Variants in THSD7B observed in about 807,000 individuals in gnomAD.
THSD7B encodes the protein thrombospondin type-1 domain-containing protein 7B.
A neutral mutation model predicts 213.6 loss-of-function variants in THSD7B; 138 were observed. That is an observed-to-expected ratio of 0.65 (90% CI 0.56 to 0.74). The LOEUF (loss-of-function observed/expected upper bound fraction) is 0.74. THSD7B is among the 30% of genes least tolerant of loss of function. The pLI is 0.00. For missense variants in THSD7B, 1,931 were observed against 1,991.5 expected (o/e 0.97, Z 0.58); for synonymous variants, 742 against 687.0 (o/e 1.08, Z -1.25).
At chr2:136,940,804 G>A (rs1471212461) in intron 2 of THSD7B, among the ~76,000 whole-genome samples, 5 of 147,280 alleles carry the variant, frequency 3.4e-5, no homozygotes, top group African/African-American at 1.3e-4. Context: ...TTTTGTTAAG[G>A]GTAGTTTTTT....
intron 10 of THSD7B, among the ~76,000 whole-genome samples, chr2:137,266,898 T>C (rs1394546044): frequency 1.3e-5 from 2 of 152,194 alleles, no homozygotes; most frequent in African/African-American, 2.4e-5. Context: ...CAGTTCTTTA[T>C]TGTAGCTCAT....
intron 26 of THSD7B, among the ~76,000 whole-genome samples, chr2:137,665,934 G>A (rs139464889): frequency 0.035 from 5,329 of 152,198 alleles, 114 homozygotes; most frequent in Middle Eastern, 0.082. Flanking sequence ...TTTAAGAAGT[G>A]TATGAATTGG....
intron 5 of THSD7B, among the ~76,000 whole-genome samples, chr2:137,124,465 C>T (rs1688598647): frequency 6.6e-6 from 1 of 152,138 alleles, no homozygotes; most frequent in African/African-American, 2.4e-5. Flanking sequence ...ATCAGGTTCT[C>T]TTCATAAGAG....
chr2:137,280,512 T>C (rs1232294904), intron 12 of THSD7B, among the ~76,000 whole-genome samples: 1 of 152,164 alleles, frequency 6.6e-6, no homozygotes, highest in Non-Finnish European at 1.5e-5. Flanking sequence ...ATTTCATTCG[T>C]GTAATAATTT....
intron 21 of THSD7B, among the ~76,000 whole-genome samples, chr2:137,655,104 A>T (rs1286121966): frequency 2.0e-5 from 3 of 152,230 alleles, no homozygotes; most frequent in African/African-American, 7.2e-5. Context: ...ACTGAATTCT[A>T]TAAAAAAGAA....
At chr2:136,853,585 C>G (rs1170721515) in intron 1 of THSD7B, among the ~76,000 whole-genome samples, 1 of 151,868 alleles carries the variant, frequency 6.6e-6, no homozygotes, top group African/African-American at 2.4e-5. Context: ...ACATACTTTA[C>G]CTTTAAAATG....
intron 5 of THSD7B, among the ~76,000 whole-genome samples, chr2:137,143,110 C>T (rs1346301109): frequency 1.3e-5 from 2 of 152,048 alleles, no homozygotes; most frequent in Non-Finnish European, 2.9e-5. Flanking sequence ...AGAAAAAAAA[C>T]AGAGAAGGCA....
intron 7 of THSD7B, among the ~76,000 whole-genome samples, 200 bp from the exon 8 acceptor site, chr2:137,230,844 G>T (rs1163595727): frequency 2.0e-5 from 3 of 152,310 alleles, no homozygotes; most frequent in Admixed American, 1.3e-4. Flanking sequence ...CTCTATGAAA[G>T]ATTACAAATG....
rs542621821 is a variant in THSD7B, at chr2:136,992,162, C to T, written c.140-64258C>T. Among the ~76,000 whole-genome samples, 12 of 152,248 alleles carry T rather than the reference C, an allele frequency of 7.9e-5. 1 individual carries two copies. Among genetic ancestry groups the T allele is most frequent in the Admixed American group, 5.9e-4 (9 of 15,292 alleles). On this transcript the variant is annotated intron_variant, in intron 2 of 27. Transcript: ENST00000409968. ...GCAATAAAGATGCATTTCAGATCAA[C>T]CAAGATAAAAAGCCTGACTAAACTG...
intron 1 of THSD7B, among the ~76,000 whole-genome samples, chr2:136,872,860 C>A (rs1226166264): frequency 2.1e-5 from 3 of 143,904 alleles, no homozygotes; most frequent in Non-Finnish European, 4.5e-5. Context: ...TGGCAGGCAC[C>A]TGTAATCCCA....
intron 15 of THSD7B, among the ~76,000 whole-genome samples, chr2:137,493,902 A>G (rs1573659948): frequency 6.6e-6 from 1 of 152,214 alleles, no homozygotes; most frequent in African/African-American, 2.4e-5. Flanking sequence ...TTAATACCTC[A>G]GTTGAAATCT....
In THSD7B at chr2:137,119,355, C is replaced by T. The variant is rs534944029; in HGVS notation, c.1369+4062C>T. Among the ~76,000 whole-genome samples, 5 of 152,310 alleles carry T rather than the reference C, an allele frequency of 3.3e-5. No homozygotes were observed. In the East Asian group the frequency reaches 5.8e-4, roughly 18 times the overall value. On this transcript the variant is annotated intron_variant, in intron 5 of 27. Coordinates refer to ENST00000409968, the MANE Select transcript of THSD7B (RefSeq NM_001316349.2). Reference sequence around the variant, plus strand: ...TCATAAGGGTGTCCCCAGTAATTTACAGGCTTTTAGTTGTAATAATAATTG... The same window carrying T: ...TCATAAGGGTGTCCCCAGTAATTTATAGGCTTTTAGTTGTAATAATAATTG...
intron 2 of THSD7B, among the ~76,000 whole-genome samples, chr2:136,937,151 C>T (rs961071056): frequency 6.6e-6 from 1 of 151,968 alleles, no homozygotes; most frequent in Non-Finnish European, 1.5e-5. Context: ...GCCCACAAAT[C>T]GACTTTCGAT....
intron 16 of THSD7B, among the ~76,000 whole-genome samples, chr2:137,563,895 T>C (rs1337668627): frequency 6.6e-6 from 1 of 152,074 alleles, no homozygotes; most frequent in Admixed American, 6.6e-5. Context: ...AGGAAACTGG[T>C]TTAAAGTTTT....
intron 12 of THSD7B, among the ~76,000 whole-genome samples, chr2:137,352,957 C>CT (rs1297041732): frequency 1.3e-5 from 2 of 151,628 alleles, no homozygotes; most frequent in Middle Eastern, 3.2e-3. Flanking sequence ...TTTTCTCTAG[C>CT]TTTTTTAATG....
chr2:137,646,487 C>CAAAAAA (rs35479231), intron 21 of THSD7B, among the ~76,000 whole-genome samples: 4 of 93,728 alleles, frequency 4.3e-5, no homozygotes, highest in Admixed American at 1.3e-4. Flanking sequence ...ACTACAAATA[C>CAAAAAA]AAAAAAAAAA....
chr2:137,247,738 C>T (rs1361218625), intron 10 of THSD7B, among the ~76,000 whole-genome samples: 1 of 152,046 alleles, frequency 6.6e-6, no homozygotes. Flanking sequence ...TGTCAACCCT[C>T]CTGGAGTTAC....
chr2:137,336,933 T>C (rs937007102), intron 12 of THSD7B, among the ~76,000 whole-genome samples: 3 of 152,052 alleles, frequency 2.0e-5, no homozygotes, highest in African/African-American at 4.8e-5. Flanking sequence ...AACTTTATAT[T>C]TACTTTCTAT....
intron 12 of THSD7B, among the ~76,000 whole-genome samples, chr2:137,325,678 A>G (rs764970325): frequency 1.3e-5 from 2 of 152,232 alleles, no homozygotes; most frequent in Non-Finnish European, 2.9e-5. Flanking sequence ...AATGTAAAAT[A>G]AGAATGATAT....
Sources: gnomAD v4.1 joint callset for allele counts (sites outside exome capture counted in the v4.1 genomes callset) on GRCh38, gnomAD v4.1.1 for gene constraint, MANE v1.5 for transcripts, NCBI Gene and HGNC (gene_info 2026-07-23, HGNC 2026-07-21) for gene names.